PAPPA: variants seen among roughly 807,000 people sequenced by gnomAD.
The protein encoded by PAPPA is pappalysin 1.
In PAPPA, 60 loss-of-function variants were observed where a neutral mutation model predicts 164.0. The observed-to-expected ratio is 0.37, with a 90% CI of 0.30 to 0.45. The LOEUF is 0.45. PAPPA is among the 20% of genes least tolerant of loss of function. PAPPA has a pLI of 1.00. For synonymous variants in PAPPA, 875 were observed against 814.1 expected (o/e 1.07, Z -1.27); for missense variants, 1,782 against 2,087.3 (o/e 0.85, Z 2.85).
At chr9:116,367,494 C>A (rs1588022799) in intron 18 of PAPPA, 151 bp from the exon 19 acceptor site, 1 of 636,830 alleles carries the variant, frequency 1.6e-6, no homozygotes, top group South Asian at 1.8e-5. Flanking sequence ...GGTGGCCCTG[C>A]CTGGCTTGCC....
intron 21 of PAPPA, among the ~76,000 whole-genome samples, chr9:116,392,179 C>A (rs916279394): frequency 6.6e-6 from 1 of 152,166 alleles, no homozygotes; most frequent in Non-Finnish European, 1.5e-5. Context: ...CAGTGCCAGG[C>A]ACATAATAAG....
In PAPPA at chr9:116,187,117, CTTTA is replaced by C; in HGVS notation, c.416-30_416-27del. The C allele has an allele frequency of 6.8e-7, 1 of 1,462,428 alleles. No homozygotes were observed. Among genetic ancestry groups the C allele is most frequent in the Non-Finnish European group, 9.5e-7 (1 of 1,048,522 alleles). The allele number at this position is 1,462,428 out of a possible 1,614,324, so 90.6% of individuals were successfully genotyped here. On this transcript the variant is annotated intron_variant, in intron 1 of 21. Transcript: ENST00000328252. The surrounding 1 kb of genome is among the most constrained non-coding windows in gnomAD (Gnocchi z 4.2). The stretch of plus-strand genomic sequence containing the variant: ...ACTTAACCCCCCCTCCTTTTCCATC[CTTTA>C]TTTATTCATCTTTCTCTTTTGGGGC...
At chr9:116,265,808 T>G (rs1184834243) in intron 7 of PAPPA, 49 bp from the exon 8 acceptor site, 2 of 1,500,214 alleles carry the variant, frequency 1.3e-6, no homozygotes, top group Non-Finnish European at 1.8e-6. Flanking sequence ...TCTCTCTTTG[T>G]CTGCCCAGTA....
intron 7 of PAPPA, among the ~76,000 whole-genome samples, chr9:116,255,745 A>AT (rs1844920021): frequency 6.6e-6 from 1 of 151,864 alleles, no homozygotes; most frequent in Admixed American, 6.6e-5. Flanking sequence ...TTTAAATGAG[A>AT]TTTTCAGGAC....
In PAPPA at chr9:116,323,056, T is replaced by C. The variant is rs914670106; in HGVS notation, c.3148-8188T>C. Among the ~76,000 whole-genome samples the C allele has an allele frequency of 2.0e-5, 3 of 152,164 alleles. No individual in the cohort carries two copies. In the East Asian group the frequency reaches 5.8e-4, roughly 29 times the overall value. ...TGGAAACCTCATGGCATGTCCCCTGTGTGGGAAAATACCAGAGCCCCCGCT... is the reference window on the plus strand; with the variant it reads ...TGGAAACCTCATGGCATGTCCCCTGCGTGGGAAAATACCAGAGCCCCCGCT... On this transcript the variant is annotated intron_variant, in intron 10 of 21. Coordinates refer to ENST00000328252, the MANE Select transcript of PAPPA (RefSeq NM_002581.5).
At chr9:116,217,538 T>C (rs759510955) in intron 4 of PAPPA, among the ~76,000 whole-genome samples, 5 of 152,230 alleles carry the variant, frequency 3.3e-5, no homozygotes, top group Non-Finnish European at 5.9e-5. Context: ...TATCTATCTT[T>C]TGAATCCATA....
chr9:116,235,595 A>G lies in PAPPA; in HGVS notation c.2690A>G (p.Asp897Gly). Residue 897 changes from aspartate (D) to glycine (G), a missense_variant, in exon 7 of 22, where the codon GAT becomes GGT. Transcript: ENST00000328252. ...GTCCGGGACCCTCCTCTCCAGATGGATGTGGCCTCCATCCTACATCTCAAT... is the reference window on the plus strand; with the variant it reads ...GTCCGGGACCCTCCTCTCCAGATGGGTGTGGCCTCCATCCTACATCTCAAT... ...KVVRDPPLQM[D>G]VASILHLNRK... is the part of the protein sequence containing the mutation. The G allele has an allele frequency of 6.2e-7, 1 of 1,613,418 alleles. No individual in the cohort carries two copies. Among genetic ancestry groups the G allele is most frequent in the South Asian group, 1.1e-5 (1 of 91,022 alleles).
intron 15 of PAPPA, among the ~76,000 whole-genome samples, chr9:116,348,458 A>G (rs1213975986): frequency 1.3e-5 from 2 of 151,846 alleles, no homozygotes; most frequent in Non-Finnish European, 2.9e-5. Flanking sequence ...TCCTTTGATC[A>G]TAACATAGTT....
Position 116,161,368 on chromosome 9 carries a change from C to A in PAPPA, c.415+6781C>A, listed in dbSNP as rs566931078. On this transcript the variant is annotated intron_variant, in intron 1 of 21. Coordinates refer to ENST00000328252, the MANE Select transcript of PAPPA (RefSeq NM_002581.5). ...AGGAGGGTCAGGGGTAAAATAGCGA[C>A]TTTCAAACTGTCAGGGGTAAAATAG... Among the ~76,000 whole-genome samples the A allele has an allele frequency of 4.6e-5, 7 of 152,264 alleles. No individual in the cohort carries two copies. The South Asian group carries it at 1.4e-3, about 32-fold the overall frequency.
intron 9 of PAPPA, among the ~76,000 whole-genome samples, chr9:116,284,250 G>C (rs1401152689): frequency 6.6e-6 from 1 of 152,158 alleles, no homozygotes; most frequent in Admixed American, 6.5e-5. Flanking sequence ...AGAAATTTGA[G>C]AATCATTCTT....
intron 10 of PAPPA, among the ~76,000 whole-genome samples, chr9:116,323,879 A>G (rs1416901010): frequency 6.6e-6 from 1 of 152,226 alleles, no homozygotes; most frequent in East Asian, 1.9e-4. Flanking sequence ...CTGTCTTTCC[A>G]TAAATAGGAA....
intron 13 of PAPPA, among the ~76,000 whole-genome samples, chr9:116,339,092 T>C (rs1000114170): frequency 6.6e-6 from 1 of 152,190 alleles, no homozygotes; most frequent in Admixed American, 6.5e-5. Context: ...CCAGTTATCT[T>C]TCCTCTCCAT....
intron 17 of PAPPA, among the ~76,000 whole-genome samples, chr9:116,357,234 A>G (rs1846365986): frequency 6.6e-6 from 1 of 152,258 alleles, no homozygotes; most frequent in Admixed American, 6.5e-5. Context: ...ATGAGCAACA[A>G]AATGTTAACT....
intron 1 of PAPPA, among the ~76,000 whole-genome samples, chr9:116,184,413 T>C (rs1301335203): frequency 1.3e-5 from 2 of 152,158 alleles, no homozygotes; most frequent in African/African-American, 4.8e-5. Flanking sequence ...TCTTGATATG[T>C]CGTGCAAGAT....
intron 1 of PAPPA, among the ~76,000 whole-genome samples, chr9:116,180,850 G>A (rs1016579653): frequency 2.6e-5 from 4 of 152,226 alleles, no homozygotes; most frequent in South Asian, 2.1e-4. Flanking sequence ...CAGGAGACTC[G>A]AATTCCAGTT....
chr9:116,304,203 C>G (rs1845615663), intron 10 of PAPPA, among the ~76,000 whole-genome samples: 1 of 152,222 alleles, frequency 6.6e-6, no homozygotes, highest in Non-Finnish European at 1.5e-5. Context: ...CCCCATTAGG[C>G]TGCTGGTTCT....
chr9:116,284,097 T>TAG (rs1845301117), intron 9 of PAPPA, among the ~76,000 whole-genome samples: 1 of 152,224 alleles, frequency 6.6e-6, no homozygotes, highest in African/African-American at 2.4e-5. Context: ...AGGTTCATGC[T>TAG]AGACACCAAG....
chr9:116,200,560 A>C (rs1163687493), intron 2 of PAPPA, among the ~76,000 whole-genome samples: 1 of 152,168 alleles, frequency 6.6e-6, no homozygotes, highest in East Asian at 1.9e-4. Context: ...TATAACAAAA[A>C]TACTTCAACA....
chr9:116,193,266 G>A (rs1033859857), intron 2 of PAPPA, among the ~76,000 whole-genome samples: 15 of 151,946 alleles, frequency 9.9e-5, no homozygotes, highest in South Asian at 8.3e-4. Context: ...GGTCACCCCC[G>A]ACCCCTCTGC....
Sources: allele counts gnomAD v4.1 joint callset (sites outside exome capture counted in the v4.1 genomes callset), GRCh38; gene constraint gnomAD v4.1.1; non-coding constraint Gnocchi (gnomAD v3.1); transcripts MANE v1.5; gene names NCBI Gene and HGNC (gene_info 2026-07-23, HGNC 2026-07-21).